HERC1: variants seen among roughly 807,000 people sequenced by gnomAD.
The protein encoded by HERC1 is probable E3 ubiquitin-protein ligase HERC1.
In HERC1, 160 loss-of-function variants were observed where a neutral mutation model predicts 554.3. The observed-to-expected ratio is 0.29, with a 90% CI of 0.25 to 0.33. The LOEUF (loss-of-function observed/expected upper bound fraction) is 0.33. Ranked by LOEUF, HERC1 falls within the 10% of genes least tolerant of loss-of-function variation. The pLI is 1.00. For missense variants in HERC1, 4,919 were observed against 5,918.5 expected (o/e 0.83, Z 5.54); for synonymous variants, 2,175 against 2,131.7 (o/e 1.02, Z -0.56).
intron 38 of HERC1, among the ~76,000 whole-genome samples, chr15:63,673,367 CCTCT>C (rs200096405): frequency 4.0e-5 from 6 of 151,340 alleles, no homozygotes; most frequent in South Asian, 2.1e-4. Context: ...ACACCATGTA[CCTCT>C]CTCTCTCTCT....
intron 1 of HERC1, among the ~76,000 whole-genome samples, chr15:63,815,091 C>A (rs555719858): frequency 6.6e-6 from 1 of 152,290 alleles, no homozygotes; most frequent in East Asian, 1.9e-4. Context: ...TAGAAGTATA[C>A]CTTGTTTTAT....
Position 63,612,360 on chromosome 15 carries a change from A to T in HERC1, c.14291T>A (p.Phe4764Tyr). 2 of 1,613,936 alleles carry T rather than the reference A, an allele frequency of 1.2e-6. No homozygotes were observed. Among genetic ancestry groups the T allele is most frequent in the Non-Finnish European group, 1.7e-6 (2 of 1,179,870 alleles). ...GAAAAGCACCCGCTCCTCATTGGAG[A>T]ACTCTTCCAGCGTGTGCCAGAACCA... ...VQWFWHTLEE[F>Y]SNEERVLFMR... Residue 4764 changes from phenylalanine to tyrosine, a missense_variant, in exon 77 of 78, where the codon TTC (phenylalanine) becomes TAC (tyrosine). Physicochemically the swap from Phe to Tyr is conservative, Grantham distance 22. This residue lies in a region of HERC1 where 284 missense variants were observed against 294.1 expected (regional missense o/e 0.97). Coordinates refer to ENST00000443617, the MANE Select transcript of HERC1 (RefSeq NM_003922.4). This position sits in a 1 kb window ranked among gnomAD's most constrained non-coding sequence, Gnocchi z 5.0.
intron 55 of HERC1, 122 bp downstream of exon 55, chr15:63,647,947 C>A (rs2069443479): frequency 1.3e-6 from 1 of 764,094 alleles, no homozygotes; most frequent in Admixed American, 2.4e-5. Flanking sequence ...TTGATGGGTA[C>A]AATGTATGTC....
At chr15:63,619,992 C>T (rs1369898351) in intron 74 of HERC1, among the ~76,000 whole-genome samples, 7 of 152,140 alleles carry the variant, frequency 4.6e-5, no homozygotes, top group Non-Finnish European at 7.3e-5. Context: ...TCTCTATCTC[C>T]TTCAGTTCTG....
chr15:63,833,747 G>GCGCACACACA (rs2078245011), intron 1 of HERC1, 80 bp downstream of exon 1: 2 of 117,738 alleles, frequency 1.7e-5, no homozygotes, highest in South Asian at 2.9e-4. Context: ...GCACACACGC[G>GCGCACACACA]CGCGCGCACA....
rs28495969 is a variant in HERC1, at chr15:63,703,444, C to T, written c.4636+3336G>A. Among the ~76,000 whole-genome samples the T allele has an allele frequency of 5.1e-3, 773 of 152,316 alleles. 5 individuals are homozygous for T. The highest frequency in any genetic ancestry group is 0.017 in the African/African-American group (715 of 41,568). On this transcript the variant is annotated intron_variant, in intron 25 of 77. Transcript: ENST00000443617. ...TATACATCCATTAAACTTCAGTAAACAGGATATAATTAAACAGCATTATCT... is the reference window on the plus strand; with the variant it reads ...TATACATCCATTAAACTTCAGTAAATAGGATATAATTAAACAGCATTATCT...
chr15:63,750,628 T>G (rs913392913), intron 8 of HERC1, among the ~76,000 whole-genome samples: 2 of 152,168 alleles, frequency 1.3e-5, no homozygotes, highest in Non-Finnish European at 2.9e-5. Flanking sequence ...TTAAACCACT[T>G]CAATTAAAAA....
At chr15:63,728,189 C>T (rs867463269) in intron 16 of HERC1, among the ~76,000 whole-genome samples, 1 of 152,114 alleles carries the variant, frequency 6.6e-6, no homozygotes, top group Non-Finnish European at 1.5e-5. Flanking sequence ...ACATACCAGG[C>T]ACAGTTCTAG....
At chr15:63,751,829 GATTT>G (rs1207135443) in intron 8 of HERC1, among the ~76,000 whole-genome samples, 2 of 151,818 alleles carry the variant, frequency 1.3e-5, no homozygotes, top group African/African-American at 4.8e-5. Flanking sequence ...CAATGTAATG[GATTT>G]ATTATTATTA....
Position 63,612,179 on chromosome 15 carries a change from C to G in HERC1, c.14400+72G>C. 1 of 1,369,234 alleles carries G rather than the reference C, an allele frequency of 7.3e-7. No individual in the cohort carries two copies. Among genetic ancestry groups the G allele is most frequent in the Non-Finnish European group, 1.0e-6 (1 of 1,004,330 alleles). 84.8% of individuals were successfully genotyped at this position (1,369,234 alleles called of 1,614,324 possible). On this transcript the variant is annotated intron_variant, in intron 77 of 77. Coordinates refer to ENST00000443617, the MANE Select transcript of HERC1 (RefSeq NM_003922.4). The surrounding 1 kb of genome is among the most constrained non-coding windows in gnomAD (Gnocchi z 5.0). ...CTCCAGCCTGGGCCACAGAGTGAGA[C>G]CCTGTCTCAACAAAAACAACAATGA...
intron 64 of HERC1, chr15:63,637,249 T>C: frequency 3.7e-6 from 2 of 542,754 alleles, no homozygotes; most frequent in Non-Finnish European, 6.8e-6. Context: ...TTTTTAAGCA[T>C]TTGTTTACAA....
intron 76 of HERC1, among the ~76,000 whole-genome samples, chr15:63,613,521 G>A (rs2067690353): frequency 1.3e-5 from 2 of 152,148 alleles, no homozygotes; most frequent in Non-Finnish European, 2.9e-5. Context: ...CTAAGAATCT[G>A]AATAGGGACC....
At position 63,764,148 on chromosome 15, in the gene HERC1, G is replaced by A. The variant is rs1284346781; in HGVS notation, c.974C>T (p.Thr325Ile). Residue 325 changes from threonine (T) to isoleucine (I), a missense_variant, in exon 3 of 78, where the codon ACA becomes ATA. Thr to Ile is a moderately conservative substitution (Grantham distance 89). This residue lies in a region of HERC1 where 744 missense variants were observed against 1,090.0 expected (regional missense o/e 0.68). Transcript: ENST00000443617. Reference protein sequence around the residue: ...DRSQWREPTRTSDGLCSLYEA... With the variant: ...DRSQWREPTRISDGLCSLYEA... Reference sequence around the variant, plus strand: ...GTAAAGGGAGCACAAGCCATCCGATGTTCTGGTTGGTTCTCTCCACTGACT... The same window carrying A: ...GTAAAGGGAGCACAAGCCATCCGATATTCTGGTTGGTTCTCTCCACTGACT... 3 of 1,610,956 alleles carry A rather than the reference G, an allele frequency of 1.9e-6. No individual in the cohort carries two copies. Among genetic ancestry groups the A allele is most frequent in the African/African-American group, 1.3e-5 (1 of 74,896 alleles).
chr15:63,720,343 A>G (rs563258863), intron 19 of HERC1, among the ~76,000 whole-genome samples: 20 of 152,050 alleles, frequency 1.3e-4, no homozygotes, highest in African/African-American at 4.6e-4. Flanking sequence ...GTAGATTTCA[A>G]ATGGGGGTGG....
At chr15:63,670,053 A>G (rs7175527) in intron 39 of HERC1, among the ~76,000 whole-genome samples, 1,831 of 152,306 alleles carry the variant, frequency 0.012, 38 homozygotes, top group African/African-American at 0.042. Flanking sequence ...CAGTGCAAAG[A>G]AGGCTTTTAA....
chr15:63,687,494 C>T (rs1053660652), intron 33 of HERC1, among the ~76,000 whole-genome samples: 7 of 151,410 alleles, frequency 4.6e-5, no homozygotes, highest in South Asian at 2.1e-4. Flanking sequence ...GCAGAAATCG[C>T]GCCACTGCAC....
chr15:63,619,532 C>T (rs1185748454), intron 74 of HERC1, among the ~76,000 whole-genome samples: 1 of 152,112 alleles, frequency 6.6e-6, no homozygotes, highest in Non-Finnish European at 1.5e-5. Flanking sequence ...GGGAGGATTC[C>T]CTCTTTTTCT....
At chr15:63,623,327 C>T (rs62012824) in intron 73 of HERC1, among the ~76,000 whole-genome samples, 21,586 of 152,160 alleles carry the variant, frequency 0.14, 2,073 homozygotes, top group Middle Eastern at 0.21. Context: ...AAGACCAGTT[C>T]GTAACTTTAT....
chr15:63,771,893 TA>T (rs541345996), intron 2 of HERC1, among the ~76,000 whole-genome samples: 11 of 149,858 alleles, frequency 7.3e-5, no homozygotes, highest in African/African-American at 1.2e-4. Flanking sequence ...ATCCAGCAGT[TA>T]AAAAAAAAAT....
Sources: gnomAD v4.1 joint callset for allele counts (sites outside exome capture counted in the v4.1 genomes callset) on GRCh38, gnomAD v4.1.1 for gene constraint, gnomAD v4.1.1 regional missense constraint, Gnocchi (gnomAD v3.1) non-coding constraint, MANE v1.5 for transcripts, NCBI Gene and HGNC (gene_info 2026-07-23, HGNC 2026-07-21) for gene names.